GNG7: variants seen among roughly 807,000 people sequenced by gnomAD.
GNG7 encodes the protein guanine nucleotide-binding protein G(I)/G(S)/G(O) subunit gamma-7.
Under a neutral mutation model 4.0 loss-of-function variants are expected in GNG7, and 1 was observed. The ratio of observed to expected loss-of-function variants is 0.25; its 90% CI spans 0.09 to 1.18. The LOEUF (loss-of-function observed/expected upper bound fraction) is 1.18. Ranked by LOEUF, GNG7 falls within the 50% of genes most tolerant of loss-of-function variation. The pLI is 0.50. For synonymous variants in GNG7, 34 were observed against 36.9 expected (o/e 0.92, Z 0.29); for missense variants, 86 against 91.9 (o/e 0.94, Z 0.26).
chr19:2,577,700 CAA>C (rs58623953), intron 2 of GNG7, among the ~76,000 whole-genome samples: 1,306 of 108,292 alleles, frequency 0.012, 12 homozygotes, highest in African/African-American at 0.044. Flanking sequence ...GATTCCATCT[CAA>C]AAAAAAAAAA....
At chr19:2,581,180 C>G (rs1980491828) in intron 2 of GNG7, among the ~76,000 whole-genome samples, 1 of 152,068 alleles carries the variant, frequency 6.6e-6, no homozygotes, top group South Asian at 2.1e-4. Flanking sequence ...ATGTCCCTCA[C>G]TAGAAGTGCC....
intron 1 of GNG7, among the ~76,000 whole-genome samples, chr19:2,690,941 C>T (rs1913122161): frequency 6.6e-6 from 1 of 152,196 alleles, no homozygotes; most frequent in African/African-American, 2.4e-5. Flanking sequence ...CGTATCCTTA[C>T]ACCCTTCTCC....
chr19:2,586,750 T>C (rs1980685576), intron 2 of GNG7, among the ~76,000 whole-genome samples: 1 of 151,854 alleles, frequency 6.6e-6, no homozygotes, highest in South Asian at 2.1e-4. Context: ...TTTGGGAGGC[T>C]GAGGTGGGCG....
intron 2 of GNG7, among the ~76,000 whole-genome samples, chr19:2,627,509 G>A (rs1048498241): frequency 8.5e-5 from 13 of 152,164 alleles, no homozygotes; most frequent in South Asian, 2.1e-4. Flanking sequence ...CTGGCAGCCC[G>A]CGTGCTGTAA....
intron 2 of GNG7, among the ~76,000 whole-genome samples, chr19:2,599,478 G>T (rs1466621584): frequency 6.6e-6 from 1 of 152,028 alleles, no homozygotes. Flanking sequence ...TGGGAGGGGG[G>T]CCCTCGGGCA....
chr19:2,635,035 G>A (rs945300153), intron 2 of GNG7, among the ~76,000 whole-genome samples: 11 of 152,352 alleles, frequency 7.2e-5, no homozygotes, highest in South Asian at 2.1e-4. Flanking sequence ...GTTCTCACCC[G>A]GGTTCTGTGG....
chr19:2,619,962 G>A (rs996404016), intron 2 of GNG7, among the ~76,000 whole-genome samples: 1 of 138,894 alleles, frequency 7.2e-6, no homozygotes, highest in Non-Finnish European at 1.6e-5. Flanking sequence ...GGGAGGACGA[G>A]GGGGGGGCGC....
chr19:2,685,672 C>T (rs1247399120), intron 1 of GNG7, among the ~76,000 whole-genome samples: 6 of 152,080 alleles, frequency 3.9e-5, no homozygotes, highest in Non-Finnish European at 5.9e-5. Flanking sequence ...AGAGGGGAAG[C>T]AGCTGAGAGT....
chr19:2,538,100 C>CAA (rs765299737), intron 3 of GNG7: 38 of 454,948 alleles, frequency 8.4e-5, no homozygotes, highest in Non-Finnish European at 1.4e-4. Flanking sequence ...CAAAACAAAA[C>CAA]AAAACAACAA....
chr19:2,624,528 C>CAA (rs921061279), intron 2 of GNG7, among the ~76,000 whole-genome samples: 1,107 of 62,256 alleles, frequency 0.018, 23 homozygotes, highest in African/African-American at 0.05. Flanking sequence ...GACTCCGTCT[C>CAA]AAAAAAAAAA....
intron 2 of GNG7, among the ~76,000 whole-genome samples, chr19:2,592,236 T>G (rs895644328): frequency 6.6e-6 from 1 of 152,102 alleles, no homozygotes; most frequent in Non-Finnish European, 1.5e-5. Flanking sequence ...ACGCGCTAAC[T>G]AAAAAGAATG....
chr19:2,620,689 C>T (rs1162801228), intron 2 of GNG7, among the ~76,000 whole-genome samples: 1 of 152,084 alleles, frequency 6.6e-6, no homozygotes, highest in African/African-American at 2.4e-5. Flanking sequence ...GTGGGTCGGC[C>T]AGTTAGCTGG....
rs1244994455 is a variant in GNG7, at chr19:2,646,214, C to T, written c.-78+10G>A. 1 of 152,186 alleles carries T rather than the reference C, an allele frequency of 6.6e-6. No individual in the cohort carries two copies. Among genetic ancestry groups the T allele is most frequent in the Non-Finnish European group, 1.5e-5 (1 of 68,056 alleles). The allele number at this position is 152,186 out of a possible 1,614,324, so 9.4% of individuals were successfully genotyped here. ...CAAATCATAACAAAGAAATGCATTACAGCACCGACCTGTGCAGGAGGTCTC... is the reference window on the plus strand; with the variant it reads ...CAAATCATAACAAAGAAATGCATTATAGCACCGACCTGTGCAGGAGGTCTC... On this transcript the variant is annotated intron_variant, in intron 2 of 4. Coordinates refer to ENST00000382159, the MANE Select transcript of GNG7 (RefSeq NM_052847.3).
chr19:2,513,247 G>T lies in GNG7; in HGVS notation c.*1775C>A. 1.6e-6 allele frequency: 1 copy of T among 619,060 alleles called. No individual in the cohort carries two copies. The highest frequency in any genetic ancestry group is 8.2e-4 in the Middle Eastern group (1 of 1,220). The allele number at this position is 619,060 out of a possible 1,614,324, so 38.3% of individuals were successfully genotyped here. On this transcript the variant is annotated 3_prime_UTR_variant, in exon 5 of 5. Coordinates refer to ENST00000382159, the MANE Select transcript of GNG7 (RefSeq NM_052847.3). ...TCACGGGCCTGCACGGAGGACCTGG[G>T]CGGCCGTCCAGGAACCCTCTCGGCA...
At chr19:2,582,948 C>T (rs1187854800) in intron 2 of GNG7, among the ~76,000 whole-genome samples, 1 of 152,008 alleles carries the variant, frequency 6.6e-6, no homozygotes, top group East Asian at 1.9e-4. Flanking sequence ...GGATTATAGG[C>T]GTGAGCCACT....
Position 2,520,602 on chromosome 19 carries a change from G to A in GNG7, c.81+6C>T. On this transcript the variant is annotated splice_donor_region_variant and intron_variant, in intron 4 of 4. Coordinates refer to ENST00000382159, the MANE Select transcript of GNG7 (RefSeq NM_052847.3). ...CCCTCCTCTTCCTGATGCCCGCTGGGCTCACCTTGATGCGCTCAATCCCGG... is the reference window on the plus strand; with the variant it reads ...CCCTCCTCTTCCTGATGCCCGCTGGACTCACCTTGATGCGCTCAATCCCGG... 6.6e-7 allele frequency: 1 copy of A among 1,514,770 alleles called. No homozygotes were observed. Among genetic ancestry groups the A allele is most frequent in the Non-Finnish European group, 9.0e-7 (1 of 1,112,502 alleles). The allele number at this position is 1,514,770 out of a possible 1,614,324, so 93.8% of individuals were successfully genotyped here. A position where few individuals can be genotyped will look rare whatever the true frequency, so the allele number is the denominator to read the frequency against.
intron 2 of GNG7, among the ~76,000 whole-genome samples, chr19:2,600,898 AG>A (rs1981178773): frequency 6.6e-6 from 1 of 152,140 alleles, no homozygotes; most frequent in Non-Finnish European, 1.5e-5. Flanking sequence ...ACTTCACAGA[AG>A]AGAAAATGCG....
intron 3 of GNG7, among the ~76,000 whole-genome samples, chr19:2,525,346 C>G (rs1201462239): frequency 1.8e-4 from 28 of 152,324 alleles, no homozygotes; most frequent in Non-Finnish European, 4.4e-5. Context: ...CCAGGCCAGG[C>G]TCTCCAAAAA....
At position 2,541,392 on chromosome 19, in the gene GNG7, G is replaced by C. The variant is rs1978957250; in HGVS notation, c.-38+13757C>G. Among the ~76,000 whole-genome samples the C allele has an allele frequency of 2.6e-5, 4 of 151,744 alleles. No homozygotes were observed. The South Asian group carries it at 8.3e-4, about 32-fold the overall frequency. On this transcript the variant is annotated intron_variant, in intron 3 of 4. Coordinates refer to ENST00000382159, the MANE Select transcript of GNG7 (RefSeq NM_052847.3). ...AATGAGGGTGCAGTGAGCTGGGATG[G>C]CACCACTGCACTCCAGCCTGGGCAA...
Sources: gnomAD v4.1 joint callset for allele counts (sites outside exome capture counted in the v4.1 genomes callset) on GRCh38, gnomAD v4.1.1 for gene constraint, MANE v1.5 for transcripts, NCBI Gene and HGNC (gene_info 2026-07-23, HGNC 2026-07-21) for gene names.